The following CTSE variants were observed in gnomAD, a reference collection of about 807,000 sequenced individuals.
CTSE encodes the protein cathepsin E.
CTSE carries 43 observed loss-of-function variants against 42.8 expected under a neutral mutation model. The ratio of observed to expected loss-of-function variants is 1.01; its 90% CI spans 0.79 to 1.30. CTSE has a LOEUF of 1.30. CTSE is among the 50% of genes most tolerant of loss of function. The probability of loss-of-function intolerance (pLI) is 0.00; values close to 1 mark genes in which losing one functional copy is unlikely to be tolerated. For synonymous variants in CTSE, 205 were observed against 191.5 expected, an observed-to-expected ratio of 1.07 and a Z score of -0.58; for missense variants, 532 against 493.5, an observed-to-expected ratio of 1.08 and a Z score of -0.74.
At chr1:206,013,281 C>A (rs1392962790) in intron 6 of CTSE, among the ~76,000 whole-genome samples, 1 of 152,010 alleles carries the variant, frequency 6.6e-6, no homozygotes, top group Non-Finnish European at 1.5e-5. Flanking sequence ...TCAATGTAAC[C>A]CCCTCCATGA....
intron 8 of CTSE, among the ~76,000 whole-genome samples, chr1:206,011,095 G>A (rs1204282058): frequency 6.6e-6 from 1 of 151,894 alleles, no homozygotes; most frequent in Non-Finnish European, 1.5e-5. Flanking sequence ...GAAATCTGCT[G>A]GTGGGAAAGA....
chr1:206,023,404 T>C (rs1049035939), intron 1 of CTSE, among the ~76,000 whole-genome samples: 6 of 151,924 alleles, frequency 3.9e-5, no homozygotes, highest in Non-Finnish European at 7.4e-5. Context: ...GGGACAGTGA[T>C]GGTCAGTCCC....
intron 4 of CTSE, among the ~76,000 whole-genome samples, chr1:206,019,172 T>C (rs1661343120): frequency 6.6e-6 from 1 of 152,066 alleles, no homozygotes; most frequent in Non-Finnish European, 1.5e-5. Context: ...GATATAGCTA[T>C]AATGATGTGG....
Position 206,015,918 on chromosome 1 carries a change from T to C in CTSE, c.662+13A>G. ...ATAACTGACTTTAACCTCACAGACT[T>C]GATGGGCCTTACCTGCTCATGTAGA... On this transcript the variant is annotated intron_variant, in intron 5 of 8. Coordinates refer to ENST00000358184, the MANE Select transcript of CTSE (RefSeq NM_001910.4). 4 of 1,612,494 alleles carry C rather than the reference T, an allele frequency of 2.5e-6. No homozygotes were observed. Among genetic ancestry groups the C allele is most frequent in the Non-Finnish European group, 3.4e-6 (4 of 1,178,694 alleles).
Position 206,012,340 on chromosome 1 carries a change from AG to A in CTSE, c.993del (p.Tyr332IlefsTer80). On this transcript the variant is annotated frameshift_variant, in exon 8 of 9. Transcript: ENST00000358184. LOFTEE classifies it high-confidence loss of function. ...GTGTAGGCAGTTGGGCTGAGGGTATAGGGGACTCCGTTAATGGTGAAGGTGA... is the reference window on the plus strand; with the variant it reads ...GTGTAGGCAGTTGGGCTGAGGGTATAGGGACTCCGTTAATGGTGAAGGTGA... Reference protein sequence around the residue: ...PDVTFTINGVPYTLSPTAYTL... With the variant: ...PDVTFTINGVXYTLSPTAYTL... 6.2e-7 allele frequency: 1 copy of A among 1,613,944 alleles called. No homozygotes were observed. The highest frequency in any genetic ancestry group is 1.3e-5 in the African/African-American group (1 of 75,050).
chr1:206,022,009 A>T, intron 3 of CTSE, 141 bp downstream of exon 3: 1 of 579,114 alleles, frequency 1.7e-6, no homozygotes, highest in Middle Eastern at 3.5e-4. Flanking sequence ...TCCACGGCTG[A>T]CTCAAAGATG....
chr1:206,011,400 G>T (rs1040653468), intron 8 of CTSE, among the ~76,000 whole-genome samples: 11 of 152,118 alleles, frequency 7.2e-5, no homozygotes, highest in African/African-American at 2.4e-4. Context: ...GTGTGGGTGT[G>T]CTGGGGTGTT....
chr1:206,018,766 CT>C (rs1296182498), intron 4 of CTSE, among the ~76,000 whole-genome samples: 1 of 151,666 alleles, frequency 6.6e-6, no homozygotes. Flanking sequence ...TATTTTCTTT[CT>C]TTTTTCTTAT....
intron 8 of CTSE, among the ~76,000 whole-genome samples, chr1:206,010,809 GTTCTGGAAACAAACATTTGAGTGACCCCC>G (rs1553276850): frequency 6.6e-6 from 1 of 152,074 alleles, no homozygotes; most frequent in Admixed American, 6.5e-5. Context: ...TCTTGTTGAT[GTTCTGGAAACAAACATTTGAGTGACCCCC>G]TTTAGATGAG....
rs143238973 is a variant in CTSE, at chr1:206,009,798, G to A, written c.*385C>T. ...GCAGTGTAGATAAACAGGCCTGGCCGTGTGTGGATGGGTTGTCAGGGCTGA... is the reference window on the plus strand; with the variant it reads ...GCAGTGTAGATAAACAGGCCTGGCCATGTGTGGATGGGTTGTCAGGGCTGA... On this transcript the variant is annotated 3_prime_UTR_variant, in exon 9 of 9. Transcript: ENST00000358184. The A allele has an allele frequency of 2.1e-3, 508 of 241,258 alleles. 2 individuals are homozygous for A. The highest frequency in any genetic ancestry group is 0.011 in the African/African-American group (479 of 44,124). The allele number at this position is 241,258 out of a possible 1,614,324, so 14.9% of individuals were successfully genotyped here. A position where few individuals can be genotyped will look rare whatever the true frequency, so the allele number is the denominator to read the frequency against.
chr1:206,012,939 C>T (rs1015382693), intron 6 of CTSE, among the ~76,000 whole-genome samples: 2 of 152,056 alleles, frequency 1.3e-5, no homozygotes, highest in Non-Finnish European at 2.9e-5. Flanking sequence ...TGTGATCCAC[C>T]TGCCTCGGCC....
intron 4 of CTSE, 123 bp downstream of exon 4, chr1:206,020,926 T>C: frequency 1.4e-6 from 1 of 713,448 alleles, no homozygotes; most frequent in Non-Finnish European, 2.4e-6. Context: ...TTGCCCTTTC[T>C]CCTAGAAGTT....
At position 206,012,478 on chromosome 1, in the gene CTSE, C is replaced by T. The variant is rs782240643; in HGVS notation, c.927+30G>A. ...AGAGAAGGCCTGGCTCTCCTGTCCC[C>T]ACCACTCCCTTGCGCAGGCAGGCAC... On this transcript the variant is annotated intron_variant, in intron 7 of 8. Coordinates refer to ENST00000358184, the MANE Select transcript of CTSE (RefSeq NM_001910.4). 5 of 1,613,822 alleles carry T rather than the reference C, an allele frequency of 3.1e-6. No homozygotes were observed. In the Admixed American group the frequency reaches 8.3e-5, roughly 27 times the overall value.
At chr1:206,013,738 C>T (rs782238446) in intron 6 of CTSE, 34 bp downstream of exon 6, 1 of 1,609,242 alleles carries the variant, frequency 6.2e-7, no homozygotes, top group South Asian at 1.1e-5. Context: ...CAGTTTACCC[C>T]TAGTACTGTC....
In CTSE at chr1:206,010,138, A is replaced by G; in HGVS notation, c.*45T>C. 1 of 1,611,450 alleles carries G rather than the reference A, an allele frequency of 6.2e-7. No individual in the cohort carries two copies. The highest frequency in any genetic ancestry group is 8.5e-7 in the Non-Finnish European group (1 of 1,177,862). On this transcript the variant is annotated 3_prime_UTR_variant, in exon 9 of 9. Coordinates refer to ENST00000358184, the MANE Select transcript of CTSE (RefSeq NM_001910.4). ...TGTAAAGAATGCCCCAGCCTAACAT[A>G]TTCAAGGTCTGTCAGACAGGCAGGC... is the stretch of plus-strand genomic sequence containing the variant.
chr1:206,021,821 A>T (rs1661434381), intron 3 of CTSE, among the ~76,000 whole-genome samples: 3 of 151,932 alleles, frequency 2.0e-5, no homozygotes, highest in Admixed American at 6.6e-5. Context: ...TAACCAATTA[A>T]ATTAAACTTC....
Position 206,009,982 on chromosome 1 carries a change from T to C in CTSE, c.*201A>G. The C allele has an allele frequency of 1.9e-6, 1 of 527,288 alleles. No individual in the cohort carries two copies. Among genetic ancestry groups the C allele is most frequent in the Non-Finnish European group, 3.4e-6 (1 of 297,556 alleles). 32.7% of individuals were successfully genotyped at this position (527,288 alleles called of 1,614,324 possible). A position where few individuals can be genotyped will look rare whatever the true frequency, so the allele number is the denominator to read the frequency against. ...TCCTCCATCATGACGGTGGTGGGAG[T>C]GGTGTGTATGTGTGAAGTGTGTGTG... On this transcript the variant is annotated 3_prime_UTR_variant, in exon 9 of 9. Transcript: ENST00000358184.
Position 206,010,136 on chromosome 1 carries a change from A to G in CTSE, c.*47T>C. The stretch of plus-strand genomic sequence containing the variant: ...GGTGTAAAGAATGCCCCAGCCTAAC[A>G]TATTCAAGGTCTGTCAGACAGGCAG... On this transcript the variant is annotated 3_prime_UTR_variant, in exon 9 of 9. Coordinates refer to ENST00000358184, the MANE Select transcript of CTSE (RefSeq NM_001910.4). The G allele has an allele frequency of 6.2e-7, 1 of 1,610,542 alleles. No homozygotes were observed.
Position 206,016,030 on chromosome 1 carries a change from C to A in CTSE, c.563G>T (p.Gly188Val), listed in dbSNP as rs782779388. ...TCCTCCCACAGCCAAGGAGGGGTAT[C>A]CCAGGCCCAGAATTCCATCAAACTC... ...DAEFDGILGL[G>V]YPSLAVGGVT... The change falls in exon 5 of 9, where the codon GGA becomes GTA. Residue 188 changes from glycine to valine, a missense_variant. Physicochemically the swap from Gly to Val is moderately radical, Grantham distance 109 (BLOSUM62 -3). Transcript: ENST00000358184. 6.2e-7 allele frequency: 1 copy of A among 1,613,908 alleles called. No homozygotes were observed. The highest frequency in any genetic ancestry group is 8.5e-7 in the Non-Finnish European group (1 of 1,179,866).
Sources: allele counts gnomAD v4.1 joint callset (sites outside exome capture counted in the v4.1 genomes callset), GRCh38; gene constraint gnomAD v4.1.1; transcripts MANE v1.5; gene names NCBI Gene and HGNC (gene_info 2026-07-23, HGNC 2026-07-21).